The following IGF2R variants were observed in gnomAD, a reference collection of about 807,000 sequenced individuals.
The protein encoded by IGF2R is insulin like growth factor 2 receptor, also known as cation-independent mannose-6-phosphate receptor.
A neutral mutation model predicts 270.6 loss-of-function variants in IGF2R; 91 were observed. The observed-to-expected ratio is 0.34, with a 90% CI of 0.28 to 0.40. The LOEUF (loss-of-function observed/expected upper bound fraction) is 0.40. Among genes scored for constraint, IGF2R ranks in the 10% least tolerant of loss-of-function variants. The pLI, the probability that IGF2R is intolerant of heterozygous loss-of-function variation, is 1.00. For synonymous variants in IGF2R, 1,316 were observed against 1,258.9 expected, an observed-to-expected ratio of 1.05 and a Z score of -0.96; for missense variants, 2,805 against 3,188.3, an observed-to-expected ratio of 0.88 and a Z score of 2.90.
rs201662519 is a variant in IGF2R at position 160,064,812 on chromosome 6, T to C, written c.4026T>C (p.Phe1342=). ...YCDRGTQRPV[F]LKETSDCSYL... ...CCTCTTAACTTTTTTAGCCAGTATT[T>C]CTAAAGGAGACTTCAGATTGTTCCT... The change falls in exon 29 of 48, where the codon TTT becomes TTC. Residue 1342 remains phenylalanine (F), a synonymous_variant. Transcript: ENST00000356956. 1.9e-6 allele frequency: 3 copies of C among 1,611,564 alleles called. No individual in the cohort carries two copies. The highest frequency in any genetic ancestry group is 1.7e-5 in the Admixed American group (1 of 60,022).
At chr6:160,096,300 A>C in intron 44 of IGF2R, 139 bp from the exon 45 acceptor site, 1 of 700,290 alleles carries the variant, frequency 1.4e-6, no homozygotes, top group Non-Finnish European at 2.4e-6. Flanking sequence ...CTGTGAACAG[A>C]GTGCCTGTGG....
At chr6:160,051,214 C>G (rs983268903) in intron 19 of IGF2R, among the ~76,000 whole-genome samples, 1 of 152,150 alleles carries the variant, frequency 6.6e-6, no homozygotes, top group Non-Finnish European at 1.5e-5. Flanking sequence ...GTAGACAGTT[C>G]TTTTGACGGG....
chr6:160,066,662 C>T (rs1247005110), intron 29 of IGF2R, among the ~76,000 whole-genome samples: 2 of 152,014 alleles, frequency 1.3e-5, no homozygotes, highest in African/African-American at 2.4e-5. Flanking sequence ...TTTTTGGAAC[C>T]TTCTATAACT....
At position 159,998,938 on chromosome 6, in the gene IGF2R, A is replaced by G. The variant is rs1185220325; in HGVS notation, c.289+7615A>G. Among the ~76,000 whole-genome samples the G allele has an allele frequency of 6.6e-6, 1 of 152,214 alleles. No individual in the cohort carries two copies. The highest frequency in any genetic ancestry group is 2.4e-5 in the African/African-American group (1 of 41,462). On this transcript the variant is annotated intron_variant, in intron 2 of 47. Transcript: ENST00000356956. This position sits in a 1 kb window ranked among gnomAD's most constrained non-coding sequence, Gnocchi z 4.1. The stretch of plus-strand genomic sequence containing the variant: ...ACAACCCTTTAAAGTAGGTGATTTC[A>G]TTTCCCTCATGTTATAAATGAAGAA...
chr6:160,093,590 G>A (rs545142897), intron 44 of IGF2R: 1 of 682,518 alleles, frequency 1.5e-6, no homozygotes, highest in South Asian at 1.5e-5. Context: ...CATCAACCCA[G>A]TGGGGGACTG....
At chr6:159,990,005 G>T (rs1278181484) in intron 1 of IGF2R, among the ~76,000 whole-genome samples, 1 of 152,192 alleles carries the variant, frequency 6.6e-6, no homozygotes, top group Admixed American at 6.5e-5. Flanking sequence ...AATTTTGTGT[G>T]ATTTCGAATC....
At chr6:160,048,594 T>C (rs1432415836) in intron 18 of IGF2R, 51 bp downstream of exon 18, 1 of 1,566,622 alleles carries the variant, frequency 6.4e-7, no homozygotes, top group Admixed American at 1.8e-5. Context: ...TTCCATGACT[T>C]AGTGGGAGGA....
At chr6:160,086,609 G>C (rs1018570122) in intron 41 of IGF2R, among the ~76,000 whole-genome samples, 1 of 152,156 alleles carries the variant, frequency 6.6e-6, no homozygotes, top group Non-Finnish European at 1.5e-5. Context: ...GTTTTTTCTT[G>C]TTTGATCCCA....
intron 2 of IGF2R, among the ~76,000 whole-genome samples, chr6:159,996,436 C>T (rs992552239): frequency 2.6e-5 from 4 of 152,192 alleles, no homozygotes; most frequent in Non-Finnish European, 5.9e-5. Flanking sequence ...GCTACCTGCT[C>T]AGCCCCTGAG....
chr6:160,076,507 G>A (rs543172522), intron 36 of IGF2R, among the ~76,000 whole-genome samples: 2 of 152,264 alleles, frequency 1.3e-5, no homozygotes, highest in South Asian at 4.1e-4. Flanking sequence ...ATTATAATGA[G>A]TTCGGTATTG....
At chr6:160,046,757 A>C in intron 15 of IGF2R, 112 bp downstream of exon 15, 2 of 1,137,690 alleles carry the variant, frequency 1.8e-6, no homozygotes, top group Non-Finnish European at 2.5e-6. Flanking sequence ...CAAGCATTTA[A>C]ATACTGATGA....
At chr6:160,079,937 C>G in intron 38 of IGF2R, 150 bp downstream of exon 38, 6 of 985,716 alleles carry the variant, frequency 6.1e-6, no homozygotes, top group African/African-American at 4.9e-5. Flanking sequence ...TCTGTACACC[C>G]CCGGTGTGAA....
intron 39 of IGF2R, among the ~76,000 whole-genome samples, chr6:160,080,976 A>T (rs1384785385): frequency 7.2e-6 from 1 of 138,178 alleles, no homozygotes; most frequent in Non-Finnish European, 1.6e-5. Flanking sequence ...AAAAAAAAAA[A>T]TTAGCTGGGC....
chr6:159,995,256 C>T (rs181003149), intron 2 of IGF2R, among the ~76,000 whole-genome samples: 202 of 151,850 alleles, frequency 1.3e-3, no homozygotes, highest in African/African-American at 4.6e-3. Context: ...TTGCTTCTCC[C>T]GCTCACTTTT....
At chr6:160,062,669 G>A (rs762983487) in intron 26 of IGF2R, 50 bp downstream of exon 26, 2 of 1,366,852 alleles carry the variant, frequency 1.5e-6, no homozygotes, top group South Asian at 2.4e-5. Context: ...TAGAGTAGCA[G>A]ACGTTCTGAA....
chr6:160,076,565 A>G (rs1367449229), intron 36 of IGF2R, among the ~76,000 whole-genome samples: 2 of 152,206 alleles, frequency 1.3e-5, no homozygotes, highest in Admixed American at 1.3e-4. Context: ...TCTGTGAGAT[A>G]AATTGGTAGA....
In IGF2R at chr6:159,979,181, T is replaced by C. The variant is rs1583238354; in HGVS notation, c.149+9786T>C. Among the ~76,000 whole-genome samples, 3 of 152,226 alleles carry C rather than the reference T, an allele frequency of 2.0e-5. No individual in the cohort carries two copies. The South Asian group carries it at 6.2e-4, about 32-fold the overall frequency. ...GACCCACCATTGGATTTTGAGTGTG[T>C]GCAAAATTAACTTGTTGCTATCTGC... On this transcript the variant is annotated intron_variant, in intron 1 of 47. Coordinates refer to ENST00000356956, the MANE Select transcript of IGF2R (RefSeq NM_000876.4).
At chr6:160,013,835 G>A (rs1006387426) in intron 4 of IGF2R, among the ~76,000 whole-genome samples, 3 of 152,088 alleles carry the variant, frequency 2.0e-5, no homozygotes, top group Admixed American at 6.5e-5. Context: ...TTAATAAAGC[G>A]TATGCCCTTT....
At chr6:159,999,485 G>A (rs1227275281) in intron 2 of IGF2R, among the ~76,000 whole-genome samples, 1 of 152,196 alleles carries the variant, frequency 6.6e-6, no homozygotes, top group Non-Finnish European at 1.5e-5. Context: ...TTTTGTGTGA[G>A]TCATGGGGTC....
Sources: gnomAD v4.1 joint callset for allele counts (sites outside exome capture counted in the v4.1 genomes callset) on GRCh38, gnomAD v4.1.1 for gene constraint, Gnocchi (gnomAD v3.1) non-coding constraint, MANE v1.5 for transcripts, NCBI Gene and HGNC (gene_info 2026-07-23, HGNC 2026-07-21) for gene names.